SMG1: variants seen among roughly 807,000 people sequenced by gnomAD.
SMG1 encodes the protein SMG1 nonsense mediated mRNA decay associated PI3K related kinase.
In SMG1, 22 loss-of-function variants were observed where a neutral mutation model predicts 419.9. The observed-to-expected ratio is 0.05, with a 90% CI of 0.04 to 0.07. The LOEUF (loss-of-function observed/expected upper bound fraction) is 0.07. Among genes scored for constraint, SMG1 ranks in the 10% least tolerant of loss-of-function variants. The pLI is 1.00. For synonymous variants in SMG1, 1,538 were observed against 1,553.5 expected (o/e 0.99, Z 0.23); for missense variants, 3,185 against 4,342.0 (o/e 0.73, Z 7.49).
chr16:18,886,344 T>C (rs1186205201), intron 6 of SMG1, among the ~76,000 whole-genome samples: 1 of 152,190 alleles, frequency 6.6e-6, no homozygotes, highest in Non-Finnish European at 1.5e-5. Flanking sequence ...CCATTATACA[T>C]AAATTTTTAA....
rs750511519 is a variant in SMG1 at position 18,871,348 on chromosome 16, A to C, written c.2302+16T>G. On this transcript the variant is annotated intron_variant, in intron 16 of 62. Transcript: ENST00000446231. ...TGATAAACAAAATAGAAAAAAAAAAAAAAACAGAGTCTTACTGTTGGCTAA... is the reference window on the plus strand; with the variant it reads ...TGATAAACAAAATAGAAAAAAAAAACAAAACAGAGTCTTACTGTTGGCTAA... The C allele has an allele frequency of 5.4e-6, 7 of 1,292,782 alleles. No individual in the cohort carries two copies. The Admixed American group carries it at 1.0e-4, about 19-fold the overall frequency. 80.1% of individuals were successfully genotyped at this position (1,292,782 alleles called of 1,614,324 possible).
rs764492206 is a variant in SMG1, at chr16:18,842,493, T to C, written c.6220-39A>G. 8.9e-6 allele frequency: 14 copies of C among 1,581,416 alleles called. No homozygotes were observed. The East Asian group carries it at 3.1e-4, about 36-fold the overall frequency. On this transcript the variant is annotated intron_variant, in intron 39 of 62. Transcript: ENST00000446231. The stretch of plus-strand genomic sequence containing the variant: ...ATGGGAGAAACAAATTTACATTACA[T>C]TAGAACACTTATTTTCTTCCACATT...
intron 51 of SMG1, 73 bp downstream of exon 51, chr16:18,832,867 A>C: frequency 7.6e-7 from 1 of 1,311,484 alleles, no homozygotes; most frequent in Non-Finnish European, 1.1e-6. Flanking sequence ...ACTTACGTTA[A>C]AGAGCTCAGA....
At chr16:18,814,048 T>TAAA (rs2031740466) in intron 60 of SMG1, among the ~76,000 whole-genome samples, 1 of 91,016 alleles carries the variant, frequency 1.1e-5, no homozygotes, top group Non-Finnish European at 2.5e-5. Flanking sequence ...AAAAAAAAAT[T>TAAA]AAATTAAATT....
intron 1 of SMG1, among the ~76,000 whole-genome samples, chr16:18,910,241 T>TTC (rs1326963795): frequency 4.7e-5 from 7 of 149,282 alleles, no homozygotes; most frequent in Admixed American, 2.0e-4. Context: ...TATTTTTTTT[T>TTC]TTTTTTTGAG....
Position 18,845,438 on chromosome 16 carries a change from T to C in SMG1, c.6210A>G (p.Pro2070=), listed in dbSNP as rs777566980. The C allele has an allele frequency of 1.2e-6, 2 of 1,613,772 alleles. No homozygotes were observed. The highest frequency in any genetic ancestry group is 1.7e-5 in the Admixed American group (1 of 60,008). Residue 2070 remains proline, a synonymous_variant, in exon 39 of 63, where the codon CCA becomes CCG. Transcript: ENST00000446231. ...TGGGATTATTCTGTACCTCTTTAAA[T>C]GGAATCCAGCTGCTCCCAGGCTTTG... ...NPAKPGSSWI[P]FKEIMLSLQQ...
intron 1 of SMG1, among the ~76,000 whole-genome samples, chr16:18,923,191 T>A (rs2038264093): frequency 6.6e-6 from 1 of 152,084 alleles, no homozygotes; most frequent in African/African-American, 2.4e-5. Context: ...GGAACACGGG[T>A]TTGCTCTCTT....
Position 18,836,535 on chromosome 16 carries a change from A to T in SMG1, c.7605-3T>A. Reference sequence around the variant, plus strand: ...GTAGTTGGGTGTGCTCAGAATACCTAATCAGGGGGACACAAACAAAATCAA... The same window carrying T: ...GTAGTTGGGTGTGCTCAGAATACCTTATCAGGGGGACACAAACAAAATCAA... On this transcript the variant is annotated splice_region_variant and splice_polypyrimidine_tract_variant and intron_variant, in intron 46 of 62. Transcript: ENST00000446231. 1.2e-6 allele frequency: 2 copies of T among 1,611,634 alleles called. No homozygotes were observed. Among genetic ancestry groups the T allele is most frequent in the Non-Finnish European group, 1.7e-6 (2 of 1,179,254 alleles).
rs192888931 is a variant in SMG1 at position 18,835,057 on chromosome 16, A to G, written c.8165T>C (p.Ile2722Thr). Residue 2722 changes from isoleucine (I) to threonine (T), a missense_variant, in exon 49 of 63, where the codon ATT becomes ACT. Transcript: ENST00000446231. Reference protein sequence around the residue: ...RYAADINSRLIRQVERLKQEA... With the variant: ...RYAADINSRLTRQVERLKQEA... ...CTGTTTCAAGCGTTCCACTTGTCTAATAAGTCTGCTGTTGATGTCTGCTGC... is the reference window on the plus strand; with the variant it reads ...CTGTTTCAAGCGTTCCACTTGTCTAGTAAGTCTGCTGTTGATGTCTGCTGC... The G allele has an allele frequency of 1.9e-5, 31 of 1,614,024 alleles. No individual in the cohort carries two copies. The highest frequency in any genetic ancestry group is 2.2e-5 in the East Asian group (1 of 44,878).
At chr16:18,873,653 A>T (rs1177512745) in intron 13 of SMG1, among the ~76,000 whole-genome samples, 1 of 152,230 alleles carries the variant, frequency 6.6e-6, no homozygotes, top group African/African-American at 2.4e-5. Flanking sequence ...TGGCCCATGG[A>T]CCATAGTTTG....
intron 57 of SMG1, among the ~76,000 whole-genome samples, chr16:18,817,074 C>T (rs932897700): frequency 2.3e-5 from 3 of 128,756 alleles, no homozygotes; most frequent in Non-Finnish European, 3.1e-5. Context: ...ATCCTTTACA[C>T]TTCCTCATTT....
rs909316167 is a variant in SMG1 at position 18,853,610 on chromosome 16, A to C, written c.4741T>G (p.Tyr1581Asp). The change falls in exon 31 of 63, where the codon TAT becomes GAT. Residue 1581 changes from tyrosine (Y) to aspartate (D), a missense_variant. Tyr to Asp is a radical substitution (Grantham distance 160). Coordinates refer to ENST00000446231, the MANE Select transcript of SMG1 (RefSeq NM_015092.5). ...GTAGATTCACTCTCGATCCGAGGATACTCTTCTTCCATCGTATTAACAGAT... is the reference window on the plus strand; with the variant it reads ...GTAGATTCACTCTCGATCCGAGGATCCTCTTCTTCCATCGTATTAACAGAT... ...LPSVNTMEEEYPRIESESTVH... is the reference protein window; with the variant it reads ...LPSVNTMEEEDPRIESESTVH... The C allele has an allele frequency of 1.8e-5, 29 of 1,606,046 alleles. No homozygotes were observed. The highest frequency in any genetic ancestry group is 2.1e-5 in the Non-Finnish European group (25 of 1,175,564).
chr16:18,827,791 T>C (rs2032844535), intron 55 of SMG1, among the ~76,000 whole-genome samples: 1 of 146,358 alleles, frequency 6.8e-6, no homozygotes, highest in African/African-American at 2.5e-5. Context: ...ATTTTATATA[T>C]ATTTTGGTAT....
At chr16:18,827,399 C>T (rs2032768180) in intron 55 of SMG1, among the ~76,000 whole-genome samples, 1 of 146,588 alleles carries the variant, frequency 6.8e-6, no homozygotes, top group Non-Finnish European at 1.5e-5. Context: ...GCACTCCAAC[C>T]TGGGCAACAA....
At chr16:18,924,440 C>T (rs2038313199) in intron 1 of SMG1, among the ~76,000 whole-genome samples, 2 of 152,200 alleles carry the variant, frequency 1.3e-5, no homozygotes, top group Admixed American at 6.5e-5. Context: ...CTCTTATATA[C>T]TTATACTGAT....
Position 18,827,056 on chromosome 16 carries a change from A to G in SMG1, c.9741+975T>C, listed in dbSNP as rs2032735097. Among the ~76,000 whole-genome samples the G allele has an allele frequency of 1.3e-5, 2 of 151,756 alleles. 1 individual carries two copies. The highest frequency in any genetic ancestry group is 2.9e-5 in the Non-Finnish European group (2 of 67,936). ...TCCGTCACCCCTTTCTTTGACTCGG[A>G]GATATTTAGTATGTTTCTACTCCTG... On this transcript the variant is annotated intron_variant, in intron 55 of 62. Transcript: ENST00000446231.
chr16:18,813,080 T>C (rs557190499), intron 60 of SMG1, among the ~76,000 whole-genome samples: 4 of 152,152 alleles, frequency 2.6e-5, no homozygotes, highest in South Asian at 2.1e-4. Flanking sequence ...TGTTGGACAT[T>C]TGGGTTGGTT....
chr16:18,888,678 G>A (rs1359495358), intron 6 of SMG1, among the ~76,000 whole-genome samples: 1 of 151,602 alleles, frequency 6.6e-6, no homozygotes, highest in Non-Finnish European at 1.5e-5. Flanking sequence ...ATGTTGGCCT[G>A]GATGGTTTCG....
At chr16:18,828,253 G>A in intron 54 of SMG1, 85 bp from the exon 55 acceptor site, 1 of 1,357,690 alleles carries the variant, frequency 7.4e-7, no homozygotes. Flanking sequence ...ACCTAGGACT[G>A]GCGGAAGAGA....
Sources: allele counts gnomAD v4.1 joint callset (sites outside exome capture counted in the v4.1 genomes callset), GRCh38; gene constraint gnomAD v4.1.1; transcripts MANE v1.5; gene names NCBI Gene and HGNC (gene_info 2026-07-23, HGNC 2026-07-21).